POLI: variants seen among roughly 807,000 people sequenced by gnomAD.
POLI encodes DNA polymerase iota, also known as RAD30 homolog B.
In POLI, 58 loss-of-function variants were observed where a neutral mutation model predicts 51.6. The ratio of observed to expected loss-of-function variants is 1.12; its 90% CI spans 0.91 to 1.40. The LOEUF (loss-of-function observed/expected upper bound fraction) is 1.40, where lower values mean the gene tolerates loss of function less well. Among genes scored for constraint, POLI ranks in the 40% most tolerant of loss-of-function variants. POLI has a pLI of 0.00. For synonymous variants in POLI, 322 were observed against 299.7 expected (o/e 1.07, Z -0.77); for missense variants, 921 against 871.3 (o/e 1.06, Z -0.72).
At chr18:54,304,041 T>C (rs2088538542) in intron 3 of POLI, among the ~76,000 whole-genome samples, 1 of 152,148 alleles carries the variant, frequency 6.6e-6, no homozygotes, top group Admixed American at 6.5e-5. Context: ...GACAGTTTGC[T>C]GAGAATGATG....
At chr18:54,309,531 G>T (rs1231986385) in intron 3 of POLI, among the ~76,000 whole-genome samples, 1 of 152,220 alleles carries the variant, frequency 6.6e-6, no homozygotes, top group Non-Finnish European at 1.5e-5. Flanking sequence ...TCCAAGTTAG[G>T]CTACGTGGGT....
At chr18:54,269,508 G>C, upstream of POLI, 1 of 1,501,860 alleles carries the variant, frequency 6.7e-7, no homozygotes, top group Non-Finnish European at 8.8e-7. Flanking sequence ...AGACCAGGCG[G>C]AAGCGGCCGG....
chr18:54,297,403 C>T lies in POLI; in HGVS notation c.*2936C>T. The T allele has an allele frequency of 1.0e-6, 1 of 982,898 alleles. No homozygotes were observed. Among genetic ancestry groups the T allele is most frequent in the Non-Finnish European group, 1.2e-6 (1 of 828,294 alleles). The allele number at this position is 982,898 out of a possible 1,614,324, so 60.9% of individuals were successfully genotyped here. On this transcript the variant is annotated 3_prime_UTR_variant, in exon 10 of 10. Coordinates refer to ENST00000579534, the MANE Select transcript of POLI (RefSeq NM_007195.3). Reference sequence around the variant, plus strand: ...AGGGGGTTTCTGTCTTGAGTGTAGGCCTGGAGATTTCCCTTATATGGTACA... The same window carrying T: ...AGGGGGTTTCTGTCTTGAGTGTAGGTCTGGAGATTTCCCTTATATGGTACA...
At chr18:54,279,195 C>T (rs1488508328) in intron 4 of POLI, among the ~76,000 whole-genome samples, 1 of 149,838 alleles carries the variant, frequency 6.7e-6, no homozygotes, top group African/African-American at 2.5e-5. Context: ...TGTAAACCTA[C>T]AGAAAAGTTG....
chr18:54,298,443 C>T (rs2088431386), downstream of POLI, among the ~76,000 whole-genome samples: 1 of 152,102 alleles, frequency 6.6e-6, no homozygotes, highest in Non-Finnish European at 1.5e-5. Flanking sequence ...GTCTAGGGCC[C>T]ACTGTGGGTC....
At chr18:54,293,570 A>G in intron 9 of POLI, 79 bp from the exon 10 acceptor site, 1 of 982,420 alleles carries the variant, frequency 1.0e-6, no homozygotes, top group Non-Finnish European at 1.5e-6. Flanking sequence ...GTCAGATAAT[A>G]GCTACAGGCA....
chr18:54,295,430 T>C lies in POLI; in HGVS notation c.*963T>C. ...AATTGGATATAAGATTGAGAATGTA[T>C]TATATAATTTGCAAGACATAGAGGA... On this transcript the variant is annotated 3_prime_UTR_variant, in exon 10 of 10. Transcript: ENST00000579534. The C allele has an allele frequency of 5.1e-6, 5 of 973,634 alleles. No individual in the cohort carries two copies. The highest frequency in any genetic ancestry group is 6.1e-6 in the Non-Finnish European group (5 of 819,258). The allele number at this position is 973,634 out of a possible 1,614,324, so 60.3% of individuals were successfully genotyped here.
At chr18:54,301,257 C>CTGGGGTTTCCTCCCTGG, downstream of POLI, among the ~76,000 whole-genome samples, 1 of 151,522 alleles carries the variant, frequency 6.6e-6, no homozygotes, top group Admixed American at 6.6e-5. Context: ...CCAGCCCAGG[C>CTGGGGTTTCCTCCCTGG]AACAGTGTGA....
At chr18:54,278,320 C>CT (rs549940006) in intron 4 of POLI, among the ~76,000 whole-genome samples, 224 of 151,484 alleles carry the variant, frequency 1.5e-3, no homozygotes, top group African/African-American at 5.4e-3. Context: ...AGCCATACCT[C>CT]TGTAGGTCAT....
In POLI at chr18:54,287,336, TC is replaced by T. The variant is rs2087794970; in HGVS notation, c.1125del (p.Ser376LeufsTer18). On this transcript the variant is annotated frameshift_variant, in exon 8 of 10. Coordinates refer to ENST00000579534, the MANE Select transcript of POLI (RefSeq NM_007195.3). LOFTEE classifies it high-confidence loss of function. ...HTVRLIIRRY[S>X]SEKHYGRESR... ...AGTGAGATTAATAATCCGTCGGTAT[TC>T]CTCTGAGAAGCACTATGGTCGTGAG... The T allele has an allele frequency of 6.3e-7, 1 of 1,593,150 alleles. No homozygotes were observed. Among genetic ancestry groups the T allele is most frequent in the African/African-American group, 1.3e-5 (1 of 74,708 alleles).
At position 54,294,906 on chromosome 18, in the gene POLI, A is replaced by G; in HGVS notation, c.*439A>G. On this transcript the variant is annotated 3_prime_UTR_variant, in exon 10 of 10. Transcript: ENST00000579534. ...AATCCTACTGCCAACTAACCTATTA[A>G]AAATATAGATAGTTTTGACTAAAGT... is the stretch of plus-strand genomic sequence containing the variant. 3.1e-6 allele frequency: 3 copies of G among 980,704 alleles called. No homozygotes were observed. The highest frequency in any genetic ancestry group is 3.6e-6 in the Non-Finnish European group (3 of 825,592). The allele number at this position is 980,704 out of a possible 1,614,324, so 60.8% of individuals were successfully genotyped here.
Position 54,293,783 on chromosome 18 carries a change from A to G in POLI, c.1539A>G (p.Lys513=), listed in dbSNP as rs748797894. 1 of 1,606,118 alleles carries G rather than the reference A, an allele frequency of 6.2e-7. No individual in the cohort carries two copies. The highest frequency in any genetic ancestry group is 8.5e-7 in the Non-Finnish European group (1 of 1,175,574). ...ATACCACAAATTTTTCTAAAGAAAAAGACATTAATGAATTCCCACTCTGTT... is the reference window on the plus strand; with the variant it reads ...ATACCACAAATTTTTCTAAAGAAAAGGACATTAATGAATTCCCACTCTGTT... The part of the protein sequence containing the change: ...PLDTTNFSKE[K]DINEFPLCSL... The change falls in exon 10 of 10, where the codon AAA becomes AAG. Residue 513 remains lysine (K), a synonymous_variant. Transcript: ENST00000579534.
At chr18:54,303,235 G>A (rs1001187873) in intron 3 of POLI, among the ~76,000 whole-genome samples, 1 of 152,078 alleles carries the variant, frequency 6.6e-6, no homozygotes, top group Non-Finnish European at 1.5e-5. Flanking sequence ...AATGCCCTAA[G>A]TACCTAATTA....
Position 54,283,928 on chromosome 18 carries a change from A to G in POLI, c.982A>G (p.Ser328Gly), listed in dbSNP as rs1236315095. The G allele has an allele frequency of 8.0e-7, 1 of 1,251,998 alleles. No homozygotes were observed. The highest frequency in any genetic ancestry group is 1.5e-5 in the African/African-American group (1 of 67,588). 77.6% of individuals were successfully genotyped at this position (1,251,998 alleles called of 1,614,324 possible). ...VILSGPPQSF[S>G]EEDSFKKCSS... ...ATTTATGCTTCTTTGATAGTCCTTT[A>G]GTGAAGAAGATTCATTTAAAAAATG... Residue 328 changes from serine (S) to glycine (G), a missense_variant, in exon 7 of 10, where the codon AGT becomes GGT. Transcript: ENST00000579534.
intron 3 of POLI, among the ~76,000 whole-genome samples, chr18:54,276,868 T>G (rs1233598615): frequency 6.6e-6 from 1 of 152,242 alleles, no homozygotes; most frequent in Non-Finnish European, 1.5e-5. Flanking sequence ...AGCTTCAGAT[T>G]ATATGACCTT....
At chr18:54,312,615 A>C (rs762797898) in intron 3 of POLI, among the ~76,000 whole-genome samples, 8 of 152,040 alleles carry the variant, frequency 5.3e-5, no homozygotes, top group Non-Finnish European at 1.2e-4. Flanking sequence ...CCTCACCAGC[A>C]CCTGTTATTT....
chr18:54,287,470 T>C, intron 8 of POLI, 59 bp downstream of exon 8: 1 of 1,334,102 alleles, frequency 7.5e-7, no homozygotes, highest in South Asian at 1.3e-5. Flanking sequence ...TAAGCCAACT[T>C]TGAATGAGAA....
At chr18:54,291,775 A>G in intron 8 of POLI, 58 bp from the exon 9 acceptor site, 3 of 785,292 alleles carry the variant, frequency 3.8e-6, no homozygotes, top group Non-Finnish European at 6.1e-6. Flanking sequence ...TCAGCAATAT[A>G]AAATATATTA....
chr18:54,278,949 A>G (rs1169923240), intron 4 of POLI, among the ~76,000 whole-genome samples: 1 of 152,214 alleles, frequency 6.6e-6, no homozygotes, highest in Non-Finnish European at 1.5e-5. Flanking sequence ...CAGTAGAACC[A>G]CAGTTTCTAG....
Sources: allele counts gnomAD v4.1 joint callset (sites outside exome capture counted in the v4.1 genomes callset), GRCh38; gene constraint gnomAD v4.1.1; transcripts MANE v1.5; gene names NCBI Gene and HGNC (gene_info 2026-07-23, HGNC 2026-07-21).